RAB33A: variants seen among roughly 807,000 people sequenced by gnomAD.
The protein encoded by RAB33A is ras-related protein Rab-33A.
In RAB33A, 6 loss-of-function variants were observed where a neutral mutation model predicts 12.0. That is an observed-to-expected ratio of 0.50 (90% CI 0.27 to 0.99). The LOEUF is 0.99. Ranked by LOEUF, RAB33A falls within the 50% of genes least tolerant of loss-of-function variation. The pLI is 0.11. For missense variants in RAB33A, 109 were observed against 192.0 expected (o/e 0.57, Z 2.55); for synonymous variants, 70 against 82.4 (o/e 0.85, Z 0.81).
At chrX:130,139,181 A>AC in the RAB33A span, among the ~76,000 whole-genome samples, 1 of 111,108 alleles carries the variant, frequency 9.0e-6, no homozygotes, top group Non-Finnish European at 1.9e-5. Context: ...AAAAAAAAAA[A>AC]ATTAGCCGGT....
At chrX:130,156,551 T>C in the RAB33A span, 2 of 1,211,583 alleles carry the variant, frequency 1.7e-6, no homozygotes, top group East Asian at 5.9e-5. Flanking sequence ...AGCTAGCCAT[T>C]TGTCTTGTCA....
chrX:130,174,780 C>T (rs1377374890), intron 1 of RAB33A, among the ~76,000 whole-genome samples: 6 of 110,915 alleles, frequency 5.4e-5, no homozygotes, highest in Non-Finnish European at 9.4e-5. Flanking sequence ...GCCTGTGTCC[C>T]GGGGTAGCAC....
At chrX:130,156,407 C>T in the RAB33A span, 1 of 1,199,247 alleles carries the variant, frequency 8.3e-7, no homozygotes, top group Non-Finnish European at 1.1e-6. Context: ...ACTATCGAGT[C>T]TATTAATGGG....
chrX:130,117,952 CAG>C, the RAB33A span, among the ~76,000 whole-genome samples: 8 of 112,343 alleles, frequency 7.1e-5, no homozygotes, highest in African/African-American at 2.6e-4. Flanking sequence ...ATTGTCAACA[CAG>C]GGAGGTTTTG....
chrX:130,118,359 G>A, the RAB33A span, among the ~76,000 whole-genome samples: 2 of 112,549 alleles, frequency 1.8e-5, no homozygotes, highest in Non-Finnish European at 3.8e-5. Context: ...CTCCCAAGGG[G>A]CAGGCCTGGG....
At chrX:130,131,780 C>T in the RAB33A span, 1 of 1,210,435 alleles carries the variant, frequency 8.3e-7, no homozygotes, top group African/African-American at 1.7e-5. Context: ...TCATAGCCAA[C>T]ATCGGGGCCC....
intron 1 of RAB33A, among the ~76,000 whole-genome samples, chrX:130,182,558 C>T (rs1399632117): frequency 1.8e-5 from 2 of 109,321 alleles, no homozygotes; most frequent in African/African-American, 6.7e-5. Flanking sequence ...AGTTCAAGAC[C>T]AGCCTGACCA....
At chrX:130,126,038 A>C in the RAB33A span, among the ~76,000 whole-genome samples, 1 of 112,478 alleles carries the variant, frequency 8.9e-6, no homozygotes, top group Admixed American at 9.4e-5. Context: ...AGCGAGGTTG[A>C]AGTCAAATGG....
At chrX:130,136,772 T>C in the RAB33A span, 6 of 1,161,821 alleles carry the variant, frequency 5.2e-6, no homozygotes, top group African/African-American at 8.9e-5. Context: ...CCTACAAGGC[T>C]ATCACTTTCA....
At chrX:130,138,775 T>C in the RAB33A span, 103 of 733,778 alleles carry the variant, frequency 1.4e-4, no homozygotes, top group Non-Finnish European at 2.0e-4. Context: ...AAGTAGTTTC[T>C]TCTAAATCTT....
At chrX:130,120,683 C>T in the RAB33A span, among the ~76,000 whole-genome samples, 1 of 112,380 alleles carries the variant, frequency 8.9e-6, no homozygotes, top group South Asian at 3.6e-4. Flanking sequence ...GGCTGATCTC[C>T]GTACTCTCCC....
At chrX:130,154,490 T>A in the RAB33A span, among the ~76,000 whole-genome samples, 3 of 112,386 alleles carry the variant, frequency 2.7e-5, no homozygotes, top group African/African-American at 9.7e-5. Flanking sequence ...GTATCTGAAT[T>A]ACGAATGAGA....
At chrX:130,149,802 A>T in the RAB33A span, among the ~76,000 whole-genome samples, 1 of 112,178 alleles carries the variant, frequency 8.9e-6, no homozygotes, top group Admixed American at 9.5e-5. Flanking sequence ...TCAGATTTTT[A>T]GGCTCTCTAT....
intron 1 of RAB33A, among the ~76,000 whole-genome samples, chrX:130,181,350 A>G (rs1225906252): frequency 8.9e-6 from 1 of 111,861 alleles, no homozygotes; most frequent in Non-Finnish European, 1.9e-5. Context: ...TGCTAACTCC[A>G]AATAAAGGCT....
chrX:130,113,060 C>CTTTTTTTTTTTTTTTTTTTTTTTT, the RAB33A span, among the ~76,000 whole-genome samples: 1 of 61,134 alleles, frequency 1.6e-5, no homozygotes, highest in African/African-American at 6.1e-5. Context: ...TTTTCTTTTT[C>CTTTTTTTTTTTTTTTTTTTTTTTT]TTTTTTTTTT....
At chrX:130,131,346 A>G in the RAB33A span, among the ~76,000 whole-genome samples, 1 of 112,373 alleles carries the variant, frequency 8.9e-6, no homozygotes, top group East Asian at 2.8e-4. Context: ...TAAAAACGCA[A>G]TCTAAAAAGT....
the RAB33A span, among the ~76,000 whole-genome samples, chrX:130,113,074 CTTCTTTT>C: frequency 1.8e-5 from 1 of 55,382 alleles, no homozygotes; most frequent in Admixed American, 2.0e-4. Flanking sequence ...TTTTTTTTTC[CTTCTTTT>C]TTTTTTTTTT....
At chrX:130,116,770 T>A in the RAB33A span, among the ~76,000 whole-genome samples, 3 of 112,443 alleles carry the variant, frequency 2.7e-5, no homozygotes, top group Non-Finnish European at 5.6e-5. Flanking sequence ...AGCACAGGCA[T>A]GCAGATGAGA....
At chrX:130,115,467 G>T in the RAB33A span, among the ~76,000 whole-genome samples, 11 of 111,428 alleles carry the variant, frequency 9.9e-5, no homozygotes, top group African/African-American at 3.6e-4. Flanking sequence ...ACAAAAATTA[G>T]CTGGGCGTGG....
Sources: allele counts gnomAD v4.1 joint callset (sites outside exome capture counted in the v4.1 genomes callset), GRCh38; gene constraint gnomAD v4.1.1; transcripts MANE v1.5; gene names NCBI Gene and HGNC (gene_info 2026-07-23, HGNC 2026-07-21).